Variants in VTI1A observed in about 807,000 individuals in gnomAD.
The protein encoded by VTI1A is vesicle transport through interaction with t-SNAREs homolog 1A.
Under a neutral mutation model 34.9 loss-of-function variants are expected in VTI1A, and 22 were observed. That is an observed-to-expected ratio of 0.63 (90% CI 0.45 to 0.90). VTI1A has a LOEUF of 0.90. Ranked by LOEUF, VTI1A falls within the 40% of genes least tolerant of loss-of-function variation. The probability of loss-of-function intolerance (pLI) is 0.00; values close to 1 mark genes in which losing one functional copy is unlikely to be tolerated. For missense variants in VTI1A, 268 were observed against 275.6 expected (o/e 0.97, Z 0.20); for synonymous variants, 87 against 97.3 (o/e 0.89, Z 0.62).
chr10:112,756,134 C>T (rs989027342), intron 7 of VTI1A, among the ~76,000 whole-genome samples: 5 of 152,050 alleles, frequency 3.3e-5, no homozygotes, highest in Non-Finnish European at 5.9e-5. Flanking sequence ...AATTATGCTC[C>T]GTGGCGTGGA....
intron 7 of VTI1A, among the ~76,000 whole-genome samples, chr10:112,732,309 T>C (rs1850293627): frequency 6.6e-6 from 1 of 152,168 alleles, no homozygotes; most frequent in South Asian, 2.1e-4. Context: ...TCAGAAATCT[T>C]TGGCTGTCTC....
the VTI1A span, among the ~76,000 whole-genome samples, chr10:112,845,296 A>C: frequency 6.6e-6 from 1 of 152,188 alleles, no homozygotes; most frequent in Non-Finnish European, 1.5e-5. Flanking sequence ...CAGAGCATGC[A>C]CAGACCTCGC....
At position 112,492,786 on chromosome 10, in the gene VTI1A, A is replaced by AG. The variant is rs397824268; in HGVS notation, c.264+28130dup. 5.9e-5 allele frequency among the ~76,000 whole-genome samples: 9 copies of AG among 151,866 alleles called. No homozygotes were observed. In the East Asian group the frequency reaches 1.5e-3, roughly 26 times the overall value. On this transcript the variant is annotated intron_variant, in intron 3 of 7. Coordinates refer to ENST00000393077, the MANE Select transcript of VTI1A (RefSeq NM_145206.4). ...TGGCAACAGTCTCAAAAAAAAAAAA[A>AG]GCAAAAAAAAAATTGATTGAGTTAT...
intron 3 of VTI1A, among the ~76,000 whole-genome samples, chr10:112,490,967 A>G (rs9804208): frequency 0.25 from 38,410 of 151,292 alleles, 5,220 homozygotes; most frequent in Middle Eastern, 0.39. Flanking sequence ...TCCCCTACCA[A>G]TTTCTTTCCC....
the VTI1A span, among the ~76,000 whole-genome samples, chr10:112,844,690 C>A: frequency 6.6e-6 from 1 of 152,148 alleles, no homozygotes; most frequent in African/African-American, 2.4e-5. Context: ...TGAGCCACCA[C>A]GCCTGGCGTG....
intron 5 of VTI1A, among the ~76,000 whole-genome samples, chr10:112,547,407 T>A (rs1191413264): frequency 6.6e-6 from 1 of 151,748 alleles, no homozygotes; most frequent in Non-Finnish European, 1.5e-5. Flanking sequence ...TGAAACCCCG[T>A]CTCTATTAAA....
At chr10:112,666,902 C>T (rs1382028287) in intron 5 of VTI1A, among the ~76,000 whole-genome samples, 1 of 152,076 alleles carries the variant, frequency 6.6e-6, no homozygotes, top group Non-Finnish European at 1.5e-5. Flanking sequence ...ACAACAATCT[C>T]ATGATATAGT....
intron 5 of VTI1A, among the ~76,000 whole-genome samples, chr10:112,634,831 T>G (rs1846283397): frequency 6.6e-6 from 1 of 152,222 alleles, no homozygotes; most frequent in African/African-American, 2.4e-5. Flanking sequence ...TTACACTGTT[T>G]TGTCTGCTTT....
intron 7 of VTI1A, among the ~76,000 whole-genome samples, chr10:112,676,939 C>T (rs1004803759): frequency 6.6e-5 from 10 of 152,158 alleles, no homozygotes; most frequent in Admixed American, 5.9e-4. Flanking sequence ...TGGCCTTCGT[C>T]AAGGATTCCC....
At position 112,623,127 on chromosome 10, in the gene VTI1A, T is replaced by A. The variant is rs558017875; in HGVS notation, c.428-45091T>A. Among the ~76,000 whole-genome samples, 21 of 152,298 alleles carry A rather than the reference T, an allele frequency of 1.4e-4. No homozygotes were observed. The South Asian group carries it at 3.7e-3, about 27-fold the overall frequency. On this transcript the variant is annotated intron_variant, in intron 5 of 7. Transcript: ENST00000393077. ...TCAGGATTATGTTTGATTGATGACT[T>A]TAAATGTGCTGGCATGAGAGATATG...
chr10:112,737,348 T>C (rs1850523728), intron 7 of VTI1A: 1 of 1,025,218 alleles, frequency 9.8e-7, no homozygotes, highest in South Asian at 4.6e-5. Context: ...CTAACAATTA[T>C]TTTTAAAAGG....
At chr10:112,693,320 G>T (rs368634653) in intron 7 of VTI1A, among the ~76,000 whole-genome samples, 114 of 152,306 alleles carry the variant, frequency 7.5e-4, no homozygotes, top group African/African-American at 2.7e-3. Context: ...CCCGAGGCAG[G>T]CAGGTTGCCT....
intron 5 of VTI1A, among the ~76,000 whole-genome samples, chr10:112,593,264 G>A (rs144755864): frequency 0.021 from 3,137 of 152,316 alleles, 57 homozygotes; most frequent in Middle Eastern, 0.034. Flanking sequence ...CAATGGTCGG[G>A]TGTAGGCATC....
chr10:112,646,139 A>C (rs1301849538), intron 5 of VTI1A, among the ~76,000 whole-genome samples: 1 of 152,096 alleles, frequency 6.6e-6, no homozygotes, highest in Non-Finnish European at 1.5e-5. Flanking sequence ...TAGAAATACA[A>C]CCTATCTTGT....
intron 1 of VTI1A, chr10:112,450,791 A>G (rs901138004): frequency 3.3e-5 from 5 of 152,194 alleles, no homozygotes; most frequent in Non-Finnish European, 7.3e-5. Context: ...TTAATACCCT[A>G]TGGCACTATA....
intron 7 of VTI1A, among the ~76,000 whole-genome samples, chr10:112,723,273 T>C (rs978055790): frequency 6.6e-6 from 1 of 152,200 alleles, no homozygotes; most frequent in African/African-American, 2.4e-5. Flanking sequence ...ATAGAAAAAG[T>C]GCTCTTCCCT....
intron 5 of VTI1A, among the ~76,000 whole-genome samples, chr10:112,611,165 A>T (rs1427783501): frequency 6.6e-6 from 1 of 152,220 alleles, no homozygotes; most frequent in African/African-American, 2.4e-5. Context: ...TTTAGAAGAA[A>T]CGACAATAGA....
chr10:112,661,067 G>A (rs555873183), intron 5 of VTI1A, among the ~76,000 whole-genome samples: 157 of 152,160 alleles, frequency 1.0e-3, no homozygotes, highest in African/African-American at 3.4e-3. Context: ...TGCAACCTCC[G>A]CCTCCTGGGT....
chr10:112,740,324 C>G (rs1369403442), intron 7 of VTI1A, among the ~76,000 whole-genome samples: 2 of 152,158 alleles, frequency 1.3e-5, no homozygotes, highest in African/African-American at 4.8e-5. Flanking sequence ...GAGTCTTGCG[C>G]TGTCATCCAG....
Sources: gnomAD v4.1 joint callset for allele counts (sites outside exome capture counted in the v4.1 genomes callset) on GRCh38, gnomAD v4.1.1 for gene constraint, MANE v1.5 for transcripts, NCBI Gene and HGNC (gene_info 2026-07-23, HGNC 2026-07-21) for gene names.